The following TEX14 variants were observed in gnomAD, a reference collection of about 807,000 sequenced individuals.
The protein encoded by TEX14 is inactive serine/threonine-protein kinase TEX14.
TEX14 carries 168 observed loss-of-function variants against 178.6 expected under a neutral mutation model. The observed-to-expected ratio is 0.94, with a 90% confidence interval of 0.83 to 1.07. TEX14 has a LOEUF of 1.07. TEX14 is among the 50% of genes least tolerant of loss of function. The pLI is 0.00. For synonymous variants in TEX14, 626 were observed against 634.1 expected, an observed-to-expected ratio of 0.99 and a Z score of 0.19; for missense variants, 1,730 against 1,753.6, an observed-to-expected ratio of 0.99 and a Z score of 0.24.
At chr17:58,670,038 G>A (rs1418869883) in intron 1 of TEX14, among the ~76,000 whole-genome samples, 1 of 152,136 alleles carries the variant, frequency 6.6e-6, no homozygotes, top group Non-Finnish European at 1.5e-5. Flanking sequence ...CCTCTTTCCA[G>A]CCTCAGAGCC....
rs574919191 is a variant in TEX14 at position 58,602,459 on chromosome 17, G to A, written c.1468C>T (p.Gln490Ter). The A allele has an allele frequency of 1.9e-6, 3 of 1,613,842 alleles. No individual in the cohort carries two copies. The highest frequency in any genetic ancestry group is 2.5e-6 in the Non-Finnish European group (3 of 1,179,990). The change falls in exon 12 of 32, where the codon CAG (glutamine) becomes TAG (stop). Residue 490 changes from glutamine (Q) to a stop codon, truncating the protein, a stop_gained. Transcript: ENST00000349033. LOFTEE classifies it high-confidence loss of function. ...TGAAGGTTCATAGTTCGGTCTTTCTGCTTGACGTGGATGCCTGACTTAACA... is the reference window on the plus strand; with the variant it reads ...TGAAGGTTCATAGTTCGGTCTTTCTACTTGACGTGGATGCCTGACTTAACA... ...DIVKSGIHVK[Q>*]KDRTMNLQDI...
At chr17:58,639,168 CTA>C (rs1286633566) in intron 2 of TEX14, among the ~76,000 whole-genome samples, 7 of 151,670 alleles carry the variant, frequency 4.6e-5, no homozygotes, top group African/African-American at 1.7e-4. Context: ...CCCAGCAAGA[CTA>C]TTATTCTAAT....
chr17:58,604,789 G>A (rs2045565084), intron 11 of TEX14, among the ~76,000 whole-genome samples, 189 bp downstream of exon 11: 1 of 152,004 alleles, frequency 6.6e-6, no homozygotes, highest in Admixed American at 6.6e-5. Context: ...TTGAACTCCT[G>A]ACTTCAGGTG....
intron 1 of TEX14, among the ~76,000 whole-genome samples, chr17:58,655,813 A>C (rs891647781): frequency 1.3e-5 from 2 of 152,134 alleles, no homozygotes; most frequent in Admixed American, 1.3e-4. Flanking sequence ...TAGGCGCATA[A>C]GCTGGCTTGC....
chr17:58,608,567 T>A (rs1226290295), intron 10 of TEX14, among the ~76,000 whole-genome samples: 1 of 152,136 alleles, frequency 6.6e-6, no homozygotes, highest in African/African-American at 2.4e-5. Context: ...CAGAGCAAGA[T>A]CTTGTCTCAA....
At chr17:58,574,094 A>T in intron 22 of TEX14, 93 bp downstream of exon 22, 1 of 1,054,334 alleles carries the variant, frequency 9.5e-7, no homozygotes, top group East Asian at 2.4e-5. Context: ...CTACACGTAA[A>T]AATGGAAAGA....
chr17:58,623,875 T>A (rs1044818804), intron 3 of TEX14, among the ~76,000 whole-genome samples: 2 of 151,674 alleles, frequency 1.3e-5, no homozygotes, highest in Non-Finnish European at 2.9e-5. Context: ...GAAGAGAAGA[T>A]AAGAAAAAAG....
intron 10 of TEX14, among the ~76,000 whole-genome samples, chr17:58,608,113 T>C: frequency 6.6e-6 from 1 of 151,964 alleles, no homozygotes; most frequent in African/African-American, 2.4e-5. Flanking sequence ...CGTGACCTTA[T>C]CTCTATAAAA....
chr17:58,622,969 A>G lies in TEX14; in HGVS notation c.295T>C (p.Ser99Pro). Residue 99 changes from serine (S) to proline (P), a missense_variant, in exon 4 of 32, where the codon TCG becomes CCG. By Grantham distance (74) the Ser-to-Pro change is moderately conservative. Coordinates refer to ENST00000349033, the MANE Select transcript of TEX14 (RefSeq NM_031272.5). ...TTGCTAAGGATCCACTGATTGCCCG[A>G]AAATGCTGCTGCATGGACAGGGGTG... ...GSTPVHAAAFSGNQWILSKLL... is the reference protein window; with the variant it reads ...GSTPVHAAAFPGNQWILSKLL... 6.2e-7 allele frequency: 1 copy of G among 1,610,656 alleles called. No homozygotes were observed. Among genetic ancestry groups the G allele is most frequent in the South Asian group, 1.1e-5 (1 of 90,992 alleles).
At chr17:58,681,607 T>G (rs1012327832) in intron 1 of TEX14, among the ~76,000 whole-genome samples, 9 of 152,004 alleles carry the variant, frequency 5.9e-5, no homozygotes, top group Non-Finnish European at 1.5e-5. Flanking sequence ...CCCAGTACTG[T>G]GGGAGGCCGA....
chr17:58,670,516 G>GT (rs2047286374), intron 1 of TEX14, among the ~76,000 whole-genome samples: 1 of 151,928 alleles, frequency 6.6e-6, no homozygotes, highest in African/African-American at 2.4e-5. Flanking sequence ...GCTCACGCTT[G>GT]TAATCCCAGC....
chr17:58,604,886 C>T (rs1015720671), intron 11 of TEX14, 92 bp downstream of exon 11: 32 of 1,413,412 alleles, frequency 2.3e-5, no homozygotes, highest in Non-Finnish European at 3.1e-5. Flanking sequence ...AATAAGTCTT[C>T]TATTTTCATA....
At chr17:58,572,725 C>T (rs1238753646) in intron 23 of TEX14, among the ~76,000 whole-genome samples, 1 of 151,820 alleles carries the variant, frequency 6.6e-6, no homozygotes, top group Non-Finnish European at 1.5e-5. Flanking sequence ...AACTTGGCCT[C>T]TAAACTTTAC....
chr17:58,637,178 G>C (rs1481162525), intron 2 of TEX14, among the ~76,000 whole-genome samples: 3 of 152,046 alleles, frequency 2.0e-5, no homozygotes, highest in Admixed American at 1.3e-4. Flanking sequence ...CAGTGAGCGT[G>C]CCATTGCACT....
intron 28 of TEX14, among the ~76,000 whole-genome samples, chr17:58,561,842 T>C (rs903966233): frequency 3.3e-5 from 5 of 152,130 alleles, no homozygotes; most frequent in Non-Finnish European, 7.4e-5. Context: ...TCCCAGCACT[T>C]TGGGAGGCCA....
At position 58,615,341 on chromosome 17, in the gene TEX14, C is replaced by G. The variant is rs35195402; in HGVS notation, c.772G>C (p.Val258Leu). ...ACTGTGACCCTGCTCCCATTCCACACTAGGCTACAAGGACAGGAAAGAGTT... is the reference window on the plus strand; with the variant it reads ...ACTGTGACCCTGCTCCCATTCCACAGTAGGCTACAAGGACAGGAAAGAGTT... The part of the protein sequence containing the change: ...SGPYMVMTNL[V>L]WNGSRVTVKE... The change falls in exon 8 of 32, where the codon GTG becomes CTG. Residue 258 changes from valine (V) to leucine (L), a missense_variant. This residue lies in a region of TEX14 where 789 missense variants were observed against 681.2 expected (regional missense o/e 1.16). Transcript: ENST00000349033. 6.2e-5 allele frequency: 99 copies of G among 1,595,352 alleles called. No individual in the cohort carries two copies. The East Asian group carries it at 2.0e-3, about 32-fold the overall frequency.
chr17:58,689,516 G>A (rs571093117), intron 1 of TEX14, among the ~76,000 whole-genome samples: 1 of 152,234 alleles, frequency 6.6e-6, no homozygotes, highest in African/African-American at 2.4e-5. Context: ...ACCGTGCCCG[G>A]CCTACCCCAT....
chr17:58,592,929 T>C (rs774364519), intron 15 of TEX14, among the ~76,000 whole-genome samples: 51 of 152,180 alleles, frequency 3.4e-4, no homozygotes, highest in Non-Finnish European at 4.9e-4. Context: ...TATATGTGTA[T>C]ATGCATATAT....
At chr17:58,584,692 T>C (rs2044909763) in intron 18 of TEX14, 92 bp from the exon 19 acceptor site, 10 of 1,042,388 alleles carry the variant, frequency 9.6e-6, no homozygotes, top group South Asian at 5.2e-5. Flanking sequence ...AAGAGATGTA[T>C]ACATATTCTG....
Sources: allele counts gnomAD v4.1 joint callset (sites outside exome capture counted in the v4.1 genomes callset), GRCh38; gene constraint gnomAD v4.1.1; regional missense constraint gnomAD v4.1.1; transcripts MANE v1.5; gene names NCBI Gene and HGNC (gene_info 2026-07-23, HGNC 2026-07-21).